The following ARRB1 variants were observed in gnomAD, a reference collection of about 807,000 sequenced individuals.
ARRB1 encodes beta-arrestin-1.
Under a neutral mutation model 56.8 loss-of-function variants are expected in ARRB1, and 21 were observed. That is an observed-to-expected ratio of 0.37 (90% confidence interval 0.26 to 0.53). ARRB1 has a LOEUF of 0.53. ARRB1 is among the 20% of genes least tolerant of loss of function. The probability of loss-of-function intolerance (pLI) is 0.88; values close to 1 mark genes in which losing one functional copy is unlikely to be tolerated. For synonymous variants in ARRB1, 210 were observed against 218.6 expected, an observed-to-expected ratio of 0.96 and a Z score of 0.35; for missense variants, 424 against 553.7, an observed-to-expected ratio of 0.77 and a Z score of 2.35.
At chr11:75,278,895 T>A (rs1252898547) in intron 7 of ARRB1, 151 bp from the exon 8 acceptor site, 12 of 1,084,124 alleles carry the variant, frequency 1.1e-5, no homozygotes, top group Non-Finnish European at 1.5e-5. Context: ...AGCATAGGGG[T>A]CTGTCACCAT....
intron 1 of ARRB1, among the ~76,000 whole-genome samples, chr11:75,349,389 G>A (rs879433320): frequency 6.6e-6 from 1 of 152,210 alleles, no homozygotes; most frequent in African/African-American, 2.4e-5. Context: ...ATGTCCCAAA[G>A]GTCCACCAGT....
intron 1 of ARRB1, among the ~76,000 whole-genome samples, chr11:75,292,267 G>T (rs1020283261): frequency 6.6e-6 from 1 of 152,194 alleles, no homozygotes; most frequent in African/African-American, 2.4e-5. Context: ...AGCCTCCCCT[G>T]TAGCTAGGAT....
intron 1 of ARRB1, among the ~76,000 whole-genome samples, chr11:75,350,936 G>A (rs577280627): frequency 1.8e-4 from 27 of 152,324 alleles, no homozygotes; most frequent in Non-Finnish European, 4.4e-5. Context: ...GATTGTGTCT[G>A]TGGGGGTCAG....
chr11:75,268,723 C>G (rs1946000978), intron 14 of ARRB1, among the ~76,000 whole-genome samples, 166 bp downstream of exon 14: 1 of 152,066 alleles, frequency 6.6e-6, no homozygotes, highest in Non-Finnish European at 1.5e-5. Flanking sequence ...GCCTCACTGT[C>G]TCCTGGTGGG....
chr11:75,319,405 C>T (rs1031571695), intron 1 of ARRB1, among the ~76,000 whole-genome samples: 8 of 152,200 alleles, frequency 5.3e-5, no homozygotes, highest in Non-Finnish European at 1.2e-4. Context: ...AAAGGTTCCT[C>T]ACACATGTCC....
chr11:75,335,192 G>T, intron 1 of ARRB1: 1 of 224,542 alleles, frequency 4.5e-6, no homozygotes, highest in Non-Finnish European at 1.0e-5. Context: ...ATGAGGCTCC[G>T]GAAGACATTC....
At position 75,346,032 on chromosome 11, in the gene ARRB1, C is replaced by A. The variant is rs543303592; in HGVS notation, c.20+5556G>T. Reference sequence around the variant, plus strand: ...TGAGGTATGAATGAATAAGAAAGTACCTTGAAACCACCCCCTCCAGCATCC... The same window carrying A: ...TGAGGTATGAATGAATAAGAAAGTAACTTGAAACCACCCCCTCCAGCATCC... On this transcript the variant is annotated intron_variant, in intron 1 of 15. Coordinates refer to ENST00000420843, the MANE Select transcript of ARRB1 (RefSeq NM_004041.5). 2.2e-3 allele frequency among the ~76,000 whole-genome samples: 338 copies of A among 152,156 alleles called. 2 individuals are homozygous for A. The highest frequency in any genetic ancestry group is 2.6e-3 in the Non-Finnish European group (178 of 67,996).
At chr11:75,284,325 C>T (rs1217988405) in intron 3 of ARRB1, 46 bp from the exon 4 acceptor site, 1 of 1,553,772 alleles carries the variant, frequency 6.4e-7, no homozygotes, top group African/African-American at 1.4e-5. Context: ...ACCTGGTCTC[C>T]CAAACCTCTG....
chr11:75,334,903 C>T (rs986849403), intron 1 of ARRB1, among the ~76,000 whole-genome samples: 10 of 151,106 alleles, frequency 6.6e-5, no homozygotes, highest in East Asian at 1.9e-4. Context: ...TGGGCTTGGG[C>T]GCCTAAAGCT....
intron 1 of ARRB1, chr11:75,306,767 C>A (rs1355423613): frequency 3.2e-6 from 3 of 929,966 alleles, no homozygotes. Context: ...TGATACGCGT[C>A]CTGTTTCCTC....
chr11:75,265,826 C>A lies in ARRB1; in HGVS notation c.*337G>T, dbSNP rs1255012048. ...CTCCAAGCCCTCATGCCCACCACAC[C>A]GTGTCCCACATTCCCCATCCTCCCC... On this transcript the variant is annotated 3_prime_UTR_variant, in exon 16 of 16. Coordinates refer to ENST00000420843, the MANE Select transcript of ARRB1 (RefSeq NM_004041.5). 1.5e-5 allele frequency: 5 copies of A among 340,304 alleles called. No homozygotes were observed. Among genetic ancestry groups the A allele is most frequent in the Non-Finnish European group, 2.8e-5 (5 of 178,304 alleles). The allele number at this position is 340,304 out of a possible 1,614,324, so 21.1% of individuals were successfully genotyped here. A position where few individuals can be genotyped will look rare whatever the true frequency, so the allele number is the denominator to read the frequency against.
At chr11:75,281,686 G>A (rs991516171) in intron 6 of ARRB1, 7 of 471,478 alleles carry the variant, frequency 1.5e-5, no homozygotes, top group African/African-American at 1.2e-4. Flanking sequence ...GAGGCCAGGT[G>A]TAGGTCCTCA....
chr11:75,269,175 G>C (rs749195532), intron 13 of ARRB1: 1 of 740,158 alleles, frequency 1.4e-6, no homozygotes, highest in South Asian at 1.4e-5. Context: ...AGAAATGGAA[G>C]CCTCCTCTTT....
chr11:75,289,953 A>C, intron 2 of ARRB1, 56 bp downstream of exon 2: 1 of 1,612,902 alleles, frequency 6.2e-7, no homozygotes, highest in Non-Finnish European at 8.5e-7. Context: ...TTCCCAAGAG[A>C]AAATGACCAG....
At chr11:75,332,872 G>A (rs564147995) in intron 1 of ARRB1, among the ~76,000 whole-genome samples, 3 of 151,974 alleles carry the variant, frequency 2.0e-5, no homozygotes, top group Non-Finnish European at 4.4e-5. Context: ...TCTGGCCTGG[G>A]CGACAGAGTG....
At chr11:75,283,215 T>C in intron 5 of ARRB1, 72 bp downstream of exon 5, 1 of 1,494,230 alleles carries the variant, frequency 6.7e-7, no homozygotes, top group Non-Finnish European at 9.0e-7. Flanking sequence ...CACCGCCCTC[T>C]TATGCCCACC....
chr11:75,323,428 G>A (rs2140497882), intron 1 of ARRB1, among the ~76,000 whole-genome samples: 1 of 152,240 alleles, frequency 6.6e-6, no homozygotes, highest in African/African-American at 2.4e-5. Context: ...AGACCAACCT[G>A]TCCAACATGG....
intron 1 of ARRB1, among the ~76,000 whole-genome samples, chr11:75,331,925 A>C (rs748905138): frequency 1.3e-5 from 2 of 152,038 alleles, no homozygotes; most frequent in African/African-American, 4.8e-5. Context: ...GAGGCAACTG[A>C]AGAACCACAA....
At chr11:75,325,888 C>A (rs1947424904) in intron 1 of ARRB1, among the ~76,000 whole-genome samples, 1 of 152,144 alleles carries the variant, frequency 6.6e-6, no homozygotes, top group Non-Finnish European at 1.5e-5. Flanking sequence ...TCTGACCCTG[C>A]CAGTGCTCAA....
Sources: allele counts gnomAD v4.1 joint callset (sites outside exome capture counted in the v4.1 genomes callset), GRCh38; gene constraint gnomAD v4.1.1; transcripts MANE v1.5; gene names NCBI Gene and HGNC (gene_info 2026-07-23, HGNC 2026-07-21).